WWOX: variants seen among roughly 807,000 people sequenced by gnomAD.
WWOX encodes the protein WW domain containing oxidoreductase, also known as WW domain-containing oxidoreductase.
In WWOX, 69 loss-of-function variants were observed where a neutral mutation model predicts 46.2. That is an observed-to-expected ratio of 1.49 (90% confidence interval 1.23 to 1.82). The LOEUF is 1.82. Among genes scored for constraint, WWOX ranks in the 40% most tolerant of loss-of-function variants. WWOX has a pLI of 0.00. For missense variants in WWOX, 919 were observed against 542.6 expected (o/e 1.69, Z -6.89); for synonymous variants, 359 against 202.6 (o/e 1.77, Z -6.56).
chr16:79,208,205 A>T (rs2051584697), intron 8 of WWOX, among the ~76,000 whole-genome samples: 1 of 152,200 alleles, frequency 6.6e-6, no homozygotes, highest in Admixed American at 6.5e-5. Context: ...GTTTGACTAG[A>T]TCGGAAATGG....
intron 8 of WWOX, among the ~76,000 whole-genome samples, chr16:78,624,606 A>G (rs2046267914): frequency 6.6e-6 from 1 of 152,212 alleles, no homozygotes; most frequent in Non-Finnish European, 1.5e-5. Flanking sequence ...CTTGGCAGAA[A>G]TTCAGAAAAT....
intron 8 of WWOX, among the ~76,000 whole-genome samples, chr16:79,020,620 A>G (rs540794926): frequency 6.6e-6 from 1 of 152,308 alleles, no homozygotes; most frequent in African/African-American, 2.4e-5. Flanking sequence ...GCTGGGTAGA[A>G]AGATGGCGAT....
At chr16:78,934,299 C>A (rs2045688315) in intron 8 of WWOX, among the ~76,000 whole-genome samples, 1 of 135,310 alleles carries the variant, frequency 7.4e-6, no homozygotes, top group South Asian at 2.4e-4. Flanking sequence ...GATCGCACCA[C>A]TGCACTCTAG....
chr16:78,600,519 A>G (rs1302477303), intron 8 of WWOX, among the ~76,000 whole-genome samples: 1 of 152,242 alleles, frequency 6.6e-6, no homozygotes, highest in African/African-American at 2.4e-5. Flanking sequence ...TGTTTACAGA[A>G]TGAAAGATGA....
intron 8 of WWOX, among the ~76,000 whole-genome samples, chr16:78,632,389 C>A (rs530129277): frequency 6.6e-6 from 1 of 151,876 alleles, no homozygotes; most frequent in African/African-American, 2.4e-5. Context: ...CCGCTACCTC[C>A]GTATTTGAGT....
chr16:78,882,969 A>G (rs2044375418), intron 8 of WWOX, among the ~76,000 whole-genome samples: 1 of 152,314 alleles, frequency 6.6e-6, no homozygotes, highest in Admixed American at 6.5e-5. Context: ...GAGAAGCCAC[A>G]GAACTGTGAG....
At chr16:78,744,883 C>G (rs546878402) in intron 8 of WWOX, among the ~76,000 whole-genome samples, 6 of 152,292 alleles carry the variant, frequency 3.9e-5, no homozygotes, top group African/African-American at 1.4e-4. Context: ...GAGCAACACT[C>G]TAGTTTTCCT....
intron 5 of WWOX, among the ~76,000 whole-genome samples, chr16:78,250,091 C>G (rs1467942871): frequency 6.6e-6 from 1 of 152,206 alleles, no homozygotes; most frequent in Non-Finnish European, 1.5e-5. Context: ...CTCCCTGGCT[C>G]TGTGACCTTG....
chr16:78,700,262 T>G (rs1036001841), intron 8 of WWOX, among the ~76,000 whole-genome samples: 5 of 150,928 alleles, frequency 3.3e-5, no homozygotes, highest in Admixed American at 2.6e-4. Context: ...TGAGTGCTCT[T>G]TTCTGCATTT....
At chr16:78,861,551 T>C (rs2043886134) in intron 8 of WWOX, among the ~76,000 whole-genome samples, 1 of 152,206 alleles carries the variant, frequency 6.6e-6, no homozygotes, top group Non-Finnish European at 1.5e-5. Flanking sequence ...TTGTTATTCA[T>C]AGACATTTTG....
chr16:78,670,343 C>G (rs185003960), intron 8 of WWOX, among the ~76,000 whole-genome samples: 62 of 152,324 alleles, frequency 4.1e-4, no homozygotes, highest in African/African-American at 1.5e-3. Context: ...CCTTTCCAAG[C>G]TCCCCAGTGA....
At chr16:78,514,585 T>G (rs1032310770) in intron 8 of WWOX, among the ~76,000 whole-genome samples, 3 of 152,180 alleles carry the variant, frequency 2.0e-5, no homozygotes, top group African/African-American at 7.2e-5. Context: ...CCTTGACCGA[T>G]AAGTGTACCA....
chr16:79,012,228 A>G (rs543412452), intron 8 of WWOX, among the ~76,000 whole-genome samples: 19 of 152,058 alleles, frequency 1.2e-4, no homozygotes, highest in Admixed American at 7.9e-4. Flanking sequence ...TGCAACTAGT[A>G]TGACATCTTA....
intron 8 of WWOX, among the ~76,000 whole-genome samples, chr16:78,721,939 T>C (rs762864789): frequency 1.3e-5 from 2 of 152,274 alleles, no homozygotes; most frequent in South Asian, 2.1e-4. Context: ...AATGTGACTT[T>C]CCTTTGCTAC....
At chr16:78,681,504 T>G (rs2047728136) in intron 8 of WWOX, among the ~76,000 whole-genome samples, 1 of 146,490 alleles carries the variant, frequency 6.8e-6, no homozygotes, top group South Asian at 2.1e-4. Flanking sequence ...AATTATGACT[T>G]CAAAAAACAG....
At chr16:78,636,203 T>C (rs1188982557) in intron 8 of WWOX, among the ~76,000 whole-genome samples, 1 of 152,110 alleles carries the variant, frequency 6.6e-6, no homozygotes. Flanking sequence ...ACTAGACATA[T>C]TAGAGACCAG....
At chr16:79,151,230 T>G (rs2050272454) in intron 8 of WWOX, among the ~76,000 whole-genome samples, 1 of 152,230 alleles carries the variant, frequency 6.6e-6, no homozygotes, top group African/African-American at 2.4e-5. Context: ...ATTTGAAATC[T>G]GGAACATTCT....
intron 8 of WWOX, among the ~76,000 whole-genome samples, chr16:78,770,851 C>A (rs2050047424): frequency 6.6e-6 from 1 of 152,232 alleles, no homozygotes; most frequent in Admixed American, 6.5e-5. Context: ...ACTGAGACGT[C>A]ATCTGTGGAC....
chr16:79,148,107 C>A (rs945662434), intron 8 of WWOX, among the ~76,000 whole-genome samples: 3 of 152,176 alleles, frequency 2.0e-5, no homozygotes, highest in Admixed American at 6.5e-5. Context: ...TTTTTCCTTT[C>A]ATCAACTGAG....
Sources: allele counts gnomAD v4.1 joint callset (sites outside exome capture counted in the v4.1 genomes callset), GRCh38; gene constraint gnomAD v4.1.1; transcripts MANE v1.5; gene names NCBI Gene and HGNC (gene_info 2026-07-23, HGNC 2026-07-21).